PADI2: variants seen among roughly 807,000 people sequenced by gnomAD.
PADI2 encodes the protein protein-arginine deiminase type-2.
Under a neutral mutation model 81.1 loss-of-function variants are expected in PADI2, and 70 were observed. The ratio of observed to expected loss-of-function variants is 0.86; its 90% CI spans 0.71 to 1.05. PADI2 has a LOEUF of 1.05. PADI2 is among the 50% of genes least tolerant of loss of function. The pLI is 0.00. For missense variants in PADI2, 853 were observed against 889.9 expected (o/e 0.96, Z 0.53); for synonymous variants, 338 against 358.0 (o/e 0.94, Z 0.63).
rs1170980202 is a variant in PADI2, at chr1:17,069,071, G to A, written c.1971C>T (p.Thr657=). Residue 657 remains threonine (T), a synonymous_variant, in exon 16 of 16, where the codon ACC becomes ACT. Coordinates refer to ENST00000375486, the MANE Select transcript of PADI2 (RefSeq NM_007365.3). The part of the protein sequence containing the change: ...CGTNVRRKPF[T]FKWWHMVP ...AGGGCACCATGTGCCACCACTTGAA[G>A]GTGAAGGGCTTCCTGCGGACGTTGG... 4 of 1,614,064 alleles carry A rather than the reference G, an allele frequency of 2.5e-6. No homozygotes were observed. The highest frequency in any genetic ancestry group is 1.3e-5 in the African/African-American group (1 of 74,944).
intron 11 of PADI2, among the ~76,000 whole-genome samples, chr1:17,076,608 A>G (rs7528156): frequency 0.6 from 91,064 of 151,468 alleles, 27,759 homozygotes; most frequent in Middle Eastern, 0.7. Flanking sequence ...ATTTTGAGAC[A>G]GAGTCTAACT....
Position 17,119,228 on chromosome 1 carries a change from A to G in PADI2, c.92+52T>C, listed in dbSNP as rs1218984184. On this transcript the variant is annotated intron_variant, in intron 1 of 15. Transcript: ENST00000375486. This position sits in a 1 kb window ranked among gnomAD's most constrained non-coding sequence, Gnocchi z 4.8. ...ACGTCCCCGAGTCTGAGCGCGTCTC[A>G]GGATTTCTGGGCTCGAGATCTCGGC... 6 of 1,303,248 alleles carry G rather than the reference A, an allele frequency of 4.6e-6. No individual in the cohort carries two copies. In the South Asian group the frequency reaches 8.0e-5, roughly 17 times the overall value. The allele number at this position is 1,303,248 out of a possible 1,614,324, so 80.7% of individuals were successfully genotyped here. A position where few individuals can be genotyped will look rare whatever the true frequency, so the allele number is the denominator to read the frequency against.
chr1:17,091,827 G>C (rs1486967746), intron 6 of PADI2, among the ~76,000 whole-genome samples: 3 of 152,116 alleles, frequency 2.0e-5, no homozygotes, highest in Non-Finnish European at 4.4e-5. Flanking sequence ...GGGTGTGATT[G>C]TTGTGTTTAC....
intron 7 of PADI2, 117 bp from the exon 8 acceptor site, chr1:17,084,819 T>G: frequency 1.5e-6 from 1 of 655,578 alleles, no homozygotes; most frequent in Non-Finnish European, 2.7e-6. Flanking sequence ...GGACTTGCTA[T>G]GCACCAAGCC....
chr1:17,073,416 C>CAAAAA (rs55941211), intron 13 of PADI2, among the ~76,000 whole-genome samples: 12 of 127,432 alleles, frequency 9.4e-5, no homozygotes, highest in Admixed American at 3.2e-4. Flanking sequence ...GACTGTGTCT[C>CAAAAA]AAAAAAAAAA....
intron 1 of PADI2, among the ~76,000 whole-genome samples, chr1:17,111,326 T>C (rs191819696): frequency 5.7e-4 from 87 of 152,090 alleles, no homozygotes; most frequent in African/African-American, 2.0e-3. Flanking sequence ...GACTCCTGAC[T>C]TCAAGTGATC....
At position 17,068,943 on chromosome 1, in the gene PADI2, C is replaced by G. The variant is rs1318720074; in HGVS notation, c.*101G>C. The G allele has an allele frequency of 7.6e-6, 7 of 918,182 alleles. No individual in the cohort carries two copies. Among genetic ancestry groups the G allele is most frequent in the African/African-American group, 3.3e-5 (2 of 61,132 alleles). 56.9% of individuals were successfully genotyped at this position (918,182 alleles called of 1,614,324 possible). Reference sequence around the variant, plus strand: ...TTCCACCCCACGTCCCAAAGGTCTCCCAGCGGGGCTGTCCAGTCCATGTCA... The same window carrying G: ...TTCCACCCCACGTCCCAAAGGTCTCGCAGCGGGGCTGTCCAGTCCATGTCA... On this transcript the variant is annotated 3_prime_UTR_variant, in exon 16 of 16. Transcript: ENST00000375486.
intron 1 of PADI2, among the ~76,000 whole-genome samples, chr1:17,113,557 A>G (rs1931658302): frequency 6.6e-6 from 1 of 152,204 alleles, no homozygotes; most frequent in African/African-American, 2.4e-5. Flanking sequence ...GAGAATTCAA[A>G]GTCTGGAGTC....
Position 17,068,976 on chromosome 1 carries a change from G to T in PADI2, c.*68C>A. The T allele has an allele frequency of 2.5e-6, 3 of 1,203,490 alleles. No individual in the cohort carries two copies. Among genetic ancestry groups the T allele is most frequent in the Non-Finnish European group, 3.7e-6 (3 of 807,370 alleles). The allele number at this position is 1,203,490 out of a possible 1,614,324, so 74.6% of individuals were successfully genotyped here. A position where few individuals can be genotyped will look rare whatever the true frequency, so the allele number is the denominator to read the frequency against. The stretch of plus-strand genomic sequence containing the variant: ...GCTGTCCAGTCCATGTCAGCAGAAG[G>T]CTCTGGGCGTGTGAGGGAGGGTCTG... On this transcript the variant is annotated 3_prime_UTR_variant, in exon 16 of 16. Transcript: ENST00000375486.
At chr1:17,075,864 C>A (rs746257873) in intron 11 of PADI2, 41 bp from the exon 12 acceptor site, 13 of 1,598,434 alleles carry the variant, frequency 8.1e-6, no homozygotes, top group Non-Finnish European at 1.1e-5. Context: ...AATTACCCAC[C>A]GCACCAGAGG....
chr1:17,095,994 G>T, intron 3 of PADI2, 24 bp from the exon 4 acceptor site: 1 of 1,592,266 alleles, frequency 6.3e-7, no homozygotes, highest in East Asian at 2.3e-5. Flanking sequence ...ACATGGGTGA[G>T]TTGCTGAGCC....
At chr1:17,077,388 G>A (rs749698042) in intron 11 of PADI2, among the ~76,000 whole-genome samples, 1 of 152,178 alleles carries the variant, frequency 6.6e-6, no homozygotes, top group African/African-American at 2.4e-5. Flanking sequence ...GCCTAGAATA[G>A]TGCCTGGCAC....
chr1:17,088,925 A>AAAAAAAAC (rs1557764604), intron 6 of PADI2, among the ~76,000 whole-genome samples: 8 of 83,382 alleles, frequency 9.6e-5, no homozygotes, highest in Admixed American at 1.3e-4. Flanking sequence ...AAAAAAAAAA[A>AAAAAAAAC]AAAAAACCAA....
At chr1:17,108,454 G>C (rs896212534) in intron 1 of PADI2, among the ~76,000 whole-genome samples, 1 of 152,034 alleles carries the variant, frequency 6.6e-6, no homozygotes, top group African/African-American at 2.4e-5. Flanking sequence ...CTAGGGCTGG[G>C]GCCACGTTTT....
Position 17,086,538 on chromosome 1 carries a change from G to A in PADI2, c.817C>T (p.Leu273=). Residue 273 remains leucine (L), a synonymous_variant, in exon 7 of 16, where the codon CTG becomes TTG. Coordinates refer to ENST00000375486, the MANE Select transcript of PADI2 (RefSeq NM_007365.3). ...GCCCTCACCTGGGCCATGTACTCCA[G>A]CAGGCTGACATGGATGGAGACCAGG... ...SGLVSIHVSL[L]EYMAQDIPLT... is the part of the protein sequence containing the mutation. 2 of 1,613,500 alleles carry A rather than the reference G, an allele frequency of 1.2e-6. No homozygotes were observed. The highest frequency in any genetic ancestry group is 1.1e-5 in the South Asian group (1 of 91,064).
intron 3 of PADI2, among the ~76,000 whole-genome samples, chr1:17,099,281 G>A (rs962860894): frequency 6.6e-6 from 1 of 152,140 alleles, no homozygotes; most frequent in South Asian, 2.1e-4. Context: ...AGCCTCTGGG[G>A]AGAAGGCATA....
At position 17,115,148 on chromosome 1, in the gene PADI2, T is replaced by C. The variant is rs1430347846; in HGVS notation, c.92+4132A>G. ...CTAGGAGCGCCTGCCTGATACCTTCTTCCTATCTTCTGCCAGCGAGTTATG... is the reference window on the plus strand; with the variant it reads ...CTAGGAGCGCCTGCCTGATACCTTCCTCCTATCTTCTGCCAGCGAGTTATG... On this transcript the variant is annotated intron_variant, in intron 1 of 15. Coordinates refer to ENST00000375486, the MANE Select transcript of PADI2 (RefSeq NM_007365.3). This position sits in a 1 kb window ranked among gnomAD's most constrained non-coding sequence, Gnocchi z 4.1. Among the ~76,000 whole-genome samples, 3 of 152,266 alleles carry C rather than the reference T, an allele frequency of 2.0e-5. No individual in the cohort carries two copies. The highest frequency in any genetic ancestry group is 7.2e-5 in the African/African-American group (3 of 41,476).
At chr1:17,097,899 G>T (rs1270847255) in intron 3 of PADI2, among the ~76,000 whole-genome samples, 1 of 152,152 alleles carries the variant, frequency 6.6e-6, no homozygotes, top group Non-Finnish European at 1.5e-5. Context: ...CTCGGAAGGA[G>T]CCGCAGGTCC....
chr1:17,090,279 C>T (rs541167940), intron 6 of PADI2, among the ~76,000 whole-genome samples: 2 of 152,360 alleles, frequency 1.3e-5, no homozygotes, highest in East Asian at 1.9e-4. Flanking sequence ...CGATCCGGGA[C>T]ACCCGGGACA....
Sources: allele counts gnomAD v4.1 joint callset (sites outside exome capture counted in the v4.1 genomes callset), GRCh38; gene constraint gnomAD v4.1.1; non-coding constraint Gnocchi (gnomAD v3.1); transcripts MANE v1.5; gene names NCBI Gene and HGNC (gene_info 2026-07-23, HGNC 2026-07-21).